Variants in RTRAF observed in about 807,000 individuals in gnomAD.
The protein encoded by RTRAF is tRNA-splicing ligase complex subunit RTRAF.
Under a neutral mutation model 34.4 loss-of-function variants are expected in RTRAF, and 14 were observed. The ratio of observed to expected loss-of-function variants is 0.41; its 90% CI spans 0.27 to 0.64. RTRAF has a LOEUF of 0.64. Among genes scored for constraint, RTRAF ranks in the 30% least tolerant of loss-of-function variants. The pLI is 0.34. For missense variants in RTRAF, 291 were observed against 288.4 expected (o/e 1.01, Z -0.06); for synonymous variants, 96 against 95.3 (o/e 1.01, Z -0.04).
At chr14:51,998,463 G>A in intron 3 of RTRAF, 31 bp from the exon 4 acceptor site, 1 of 1,364,384 alleles carries the variant, frequency 7.3e-7, no homozygotes, top group Non-Finnish European at 1.0e-6. Context: ...AGTTGCAGTT[G>A]TACAAATTAT....
chr14:52,005,921 A>AATCAGTTGCAAT lies in RTRAF; in HGVS notation c.*1407_*1418dup. The AATCAGTTGCAAT allele has an allele frequency of 8.7e-7, 1 of 1,150,450 alleles. No individual in the cohort carries two copies. Among genetic ancestry groups the AATCAGTTGCAAT allele is most frequent in the Non-Finnish European group, 1.3e-6 (1 of 765,044 alleles). 71.3% of individuals were successfully genotyped at this position (1,150,450 alleles called of 1,614,324 possible). Reference sequence around the variant, plus strand: ...ATAAAGAAGTCAGTCAGCCACAGAAAATCAGTTGCAATAGAGGAAAATTTC... The same window carrying AATCAGTTGCAAT: ...ATAAAGAAGTCAGTCAGCCACAGAAAATCAGTTGCAATATCAGTTGCAATAGAGGAAAATTTC... On this transcript the variant is annotated 3_prime_UTR_variant, in exon 8 of 8. Transcript: ENST00000261700.
In RTRAF at chr14:52,006,632, A is replaced by G; in HGVS notation, c.*2116A>G. The G allele has an allele frequency of 6.2e-7, 1 of 1,613,836 alleles. No individual in the cohort carries two copies. The highest frequency in any genetic ancestry group is 1.1e-5 in the South Asian group (1 of 91,084). ...GAATGACACGCCGTCCAGTTCCATC[A>G]GGTAGTGTACACTCCAGTTTTTTGG... is the stretch of plus-strand genomic sequence containing the variant. On this transcript the variant is annotated 3_prime_UTR_variant, in exon 8 of 8. Transcript: ENST00000261700.
intron 3 of RTRAF, among the ~76,000 whole-genome samples, chr14:51,996,730 T>C (rs1034583947): frequency 6.6e-6 from 1 of 152,010 alleles, no homozygotes; most frequent in South Asian, 2.1e-4. Context: ...ATAACCACAG[T>C]ACAGTGATCA....
Position 52,006,737 on chromosome 14 carries a change from A to C in RTRAF, c.*2221A>C. The C allele has an allele frequency of 3.4e-6, 5 of 1,479,796 alleles. No homozygotes were observed. The South Asian group carries it at 5.9e-5, about 17-fold the overall frequency. The allele number at this position is 1,479,796 out of a possible 1,614,324, so 91.7% of individuals were successfully genotyped here. On this transcript the variant is annotated 3_prime_UTR_variant, in exon 8 of 8. Transcript: ENST00000261700. ...GATAGTGACATAGTGATAGTGACAC[A>C]GTGATAGAATGGGGAAATAGGATAT...
chr14:52,005,565 G>GTCTT lies in RTRAF; in HGVS notation c.*1051_*1054dup, dbSNP rs1890741147. The GTCTT allele has an allele frequency of 6.5e-7, 1 of 1,549,212 alleles. No homozygotes were observed. The highest frequency in any genetic ancestry group is 8.8e-7 in the Non-Finnish European group (1 of 1,137,414). On this transcript the variant is annotated 3_prime_UTR_variant, in exon 8 of 8. Coordinates refer to ENST00000261700, the MANE Select transcript of RTRAF (RefSeq NM_016039.3). ...TATTGTAACCAAGTTGCAACAGCAA[G>GTCTT]TCTTTGCATTTTGTGTATAAACTAG... is the stretch of plus-strand genomic sequence containing the variant.
chr14:52,007,897 T>C lies in RTRAF; in HGVS notation c.*3381T>C, dbSNP rs1241530256. 6.2e-7 allele frequency: 1 copy of C among 1,613,840 alleles called. No individual in the cohort carries two copies. Among genetic ancestry groups the C allele is most frequent in the African/African-American group, 1.3e-5 (1 of 74,934 alleles). Reference sequence around the variant, plus strand: ...ATGTCTGTATTGATCAGAATTCTTCTGTTTTCTCCATCTAAAGATGACGTT... The same window carrying C: ...ATGTCTGTATTGATCAGAATTCTTCCGTTTTCTCCATCTAAAGATGACGTT... On this transcript the variant is annotated 3_prime_UTR_variant, in exon 8 of 8. Transcript: ENST00000261700.
At chr14:52,003,844 C>G (rs1307159951) in intron 6 of RTRAF, among the ~76,000 whole-genome samples, 2 of 152,110 alleles carry the variant, frequency 1.3e-5, no homozygotes, top group Non-Finnish European at 2.9e-5. Context: ...CTTACTGTCG[C>G]CAAAATAAGA....
At chr14:51,990,358 A>G (rs1890412947) in intron 1 of RTRAF, among the ~76,000 whole-genome samples, 1 of 152,188 alleles carries the variant, frequency 6.6e-6, no homozygotes, top group Non-Finnish European at 1.5e-5. Context: ...TAACGTTGCT[A>G]CTCACTGTAA....
chr14:51,994,629 C>T (rs1015205724), intron 3 of RTRAF, among the ~76,000 whole-genome samples: 10 of 152,188 alleles, frequency 6.6e-5, no homozygotes, highest in Non-Finnish European at 1.5e-4. Flanking sequence ...CATGGCCAAC[C>T]AAGCTAACTT....
chr14:52,004,264 C>CAAACT (rs776417126), intron 7 of RTRAF, 22 bp downstream of exon 7: 11 of 1,611,058 alleles, frequency 6.8e-6, no homozygotes, highest in Admixed American at 1.7e-5. Flanking sequence ...TGTTTAAATT[C>CAAACT]AAACTATTTT....
rs540879912 is a variant in RTRAF at position 52,010,562 on chromosome 14, C to T, written c.*6046C>T. On this transcript the variant is annotated 3_prime_UTR_variant, in exon 8 of 8. Coordinates refer to ENST00000261700, the MANE Select transcript of RTRAF (RefSeq NM_016039.3). ...CCAGTTTAAGTGTCAGCTGAGGCCT[C>T]GCCTGATCATTTGATTCAGAGTAGC... 56 of 214,866 alleles carry T rather than the reference C, an allele frequency of 2.6e-4. No homozygotes were observed. Among genetic ancestry groups the T allele is most frequent in the African/African-American group, 6.3e-4 (28 of 44,322 alleles). 13.3% of individuals were successfully genotyped at this position (214,866 alleles called of 1,614,324 possible). A position where few individuals can be genotyped will look rare whatever the true frequency, so the allele number is the denominator to read the frequency against.
Position 52,008,963 on chromosome 14 carries a change from G to A in RTRAF, c.*4447G>A, listed in dbSNP as rs1286712484. On this transcript the variant is annotated 3_prime_UTR_variant, in exon 8 of 8. Transcript: ENST00000261700. Reference sequence around the variant, plus strand: ...ACGAGGAAATATGGTCCTATTAAGTGGAAATAGGTTATAAGGAAACAAACA... The same window carrying A: ...ACGAGGAAATATGGTCCTATTAAGTAGAAATAGGTTATAAGGAAACAAACA... 6.6e-6 allele frequency: 1 copy of A among 152,160 alleles called. No individual in the cohort carries two copies. The highest frequency in any genetic ancestry group is 2.4e-5 in the African/African-American group (1 of 41,430). 9.4% of individuals were successfully genotyped at this position (152,160 alleles called of 1,614,324 possible).
At chr14:51,995,252 A>C (rs1223988843) in intron 3 of RTRAF, among the ~76,000 whole-genome samples, 1 of 151,818 alleles carries the variant, frequency 6.6e-6, no homozygotes, top group Admixed American at 6.6e-5. Context: ...GTTCATGTCA[A>C]GTTGTCAGCA....
intron 2 of RTRAF, among the ~76,000 whole-genome samples, chr14:51,992,335 T>C (rs1196759311): frequency 6.6e-6 from 1 of 152,250 alleles, no homozygotes; most frequent in Non-Finnish European, 1.5e-5. Flanking sequence ...TTAGGCACTT[T>C]CTCCCTAGAA....
chr14:52,005,397 C>CTTTTTTACTTTCTTTGCCTTTG lies in RTRAF; in HGVS notation c.*882_*903dup, dbSNP rs1379558654. On this transcript the variant is annotated 3_prime_UTR_variant, in exon 8 of 8. Transcript: ENST00000261700. ...CTCAGGAACGTCTAATGGCCAATTC[C>CTTTTTTACTTTCTTTGCCTTTG]TTTTTTACTTTCTTTGCCTTTGCAG... 16 of 1,336,440 alleles carry CTTTTTTACTTTCTTTGCCTTTG rather than the reference C, an allele frequency of 1.2e-5. No individual in the cohort carries two copies. The African/African-American group carries it at 2.3e-4, about 20-fold the overall frequency. The allele number at this position is 1,336,440 out of a possible 1,614,324, so 82.8% of individuals were successfully genotyped here. A position where few individuals can be genotyped will look rare whatever the true frequency, so the allele number is the denominator to read the frequency against.
chr14:52,003,973 G>C, intron 6 of RTRAF: 1 of 553,790 alleles, frequency 1.8e-6, no homozygotes, highest in South Asian at 2.4e-5. Context: ...GAGCTTCCTG[G>C]TACATTTAAA....
In RTRAF at chr14:52,007,673, A is replaced by G. The variant is rs1890840259; in HGVS notation, c.*3157A>G. The stretch of plus-strand genomic sequence containing the variant: ...TTAAGACTCATTTACTAGTACTTAA[A>G]TTTACTAGTACTTAAAAGTTTACAG... On this transcript the variant is annotated 3_prime_UTR_variant, in exon 8 of 8. Transcript: ENST00000261700. The G allele has an allele frequency of 1.2e-6, 1 of 802,116 alleles. No homozygotes were observed. Among genetic ancestry groups the G allele is most frequent in the Non-Finnish European group, 2.0e-6 (1 of 489,416 alleles). 49.7% of individuals were successfully genotyped at this position (802,116 alleles called of 1,614,324 possible).
At chr14:52,003,810 C>CCT (rs570077227) in intron 6 of RTRAF, among the ~76,000 whole-genome samples, 15,586 of 152,276 alleles carry the variant, frequency 0.1, 1,006 homozygotes, top group East Asian at 0.15. Flanking sequence ...ATATAAGGTA[C>CCT]TATTTTTGCC....
intron 2 of RTRAF, among the ~76,000 whole-genome samples, chr14:51,991,982 T>C (rs989035332): frequency 6.6e-6 from 1 of 152,152 alleles, no homozygotes; most frequent in East Asian, 1.9e-4. Context: ...TTCTCCAGCC[T>C]GGGCGACAGA....
Sources: allele counts gnomAD v4.1 joint callset (sites outside exome capture counted in the v4.1 genomes callset), GRCh38; gene constraint gnomAD v4.1.1; transcripts MANE v1.5; gene names NCBI Gene and HGNC (gene_info 2026-07-23, HGNC 2026-07-21).